Variants in FKBP5 observed in about 807,000 individuals in gnomAD.
FKBP5 encodes the protein FKBP prolyl isomerase 5, also known as peptidyl-prolyl cis-trans isomerase FKBP5.
FKBP5 carries 23 observed loss-of-function variants against 50.5 expected under a neutral mutation model. The ratio of observed to expected loss-of-function variants is 0.46; its 90% CI spans 0.33 to 0.65. The LOEUF is 0.65. Ranked by LOEUF, FKBP5 falls within the 30% of genes least tolerant of loss-of-function variation. The probability of loss-of-function intolerance (pLI) is 0.02; values close to 1 mark genes in which losing one functional copy is unlikely to be tolerated. For missense variants in FKBP5, 411 were observed against 553.1 expected (o/e 0.74, Z 2.58); for synonymous variants, 176 against 190.6 (o/e 0.92, Z 0.63).
At chr6:35,581,622 C>A (rs1762435061) in intron 8 of FKBP5, 1 of 984,172 alleles carries the variant, frequency 1.0e-6, no homozygotes, top group East Asian at 1.1e-4. Context: ...CAAAACAAAA[C>A]CCCTCCAGGG....
intron 1 of FKBP5, among the ~76,000 whole-genome samples, chr6:35,666,397 A>AAAAAAAAAAAAAG (rs1765222431): frequency 8.5e-6 from 1 of 117,708 alleles, no homozygotes; most frequent in Non-Finnish European, 1.7e-5. Flanking sequence ...TTATAGTTAA[A>AAAAAAAAAAAAAG]AAAAAAAAAA....
At chr6:35,633,194 C>T (rs753882470) in intron 3 of FKBP5, among the ~76,000 whole-genome samples, 13 of 152,054 alleles carry the variant, frequency 8.5e-5, no homozygotes, top group Non-Finnish European at 1.6e-4. Context: ...ATACTACTGT[C>T]CATTTATATT....
intron 2 of FKBP5, among the ~76,000 whole-genome samples, chr6:35,701,568 TCTCA>T (rs1766190427): frequency 6.6e-6 from 1 of 151,118 alleles, no homozygotes; most frequent in South Asian, 2.1e-4. Flanking sequence ...TGAGACAGGG[TCTCA>T]CTCTGTTGCA....
chr6:35,713,102 A>G lies in FKBP5; in HGVS notation c.-20+7226T>C, dbSNP rs535030709. 8.5e-4 allele frequency among the ~76,000 whole-genome samples: 123 copies of G among 144,612 alleles called. No individual in the cohort carries two copies. In the East Asian group the frequency reaches 0.016, roughly 19 times the overall value. The allele number at this position is 144,612 out of a possible 152,430, so 94.9% of individuals were successfully genotyped here. ...TAAAAAAAAAAAAAAAAAAAAAAAA[A>G]AGAAGAAGAAGAAAGAAAGAAAAAA... On this transcript the variant is annotated intron_variant, in intron 2 of 11. Coordinates refer to the FKBP5 transcript ENST00000536438.
chr6:35,700,615 A>G (rs1253615711), intron 2 of FKBP5, among the ~76,000 whole-genome samples: 1 of 152,188 alleles, frequency 6.6e-6, no homozygotes, highest in African/African-American at 2.4e-5. Flanking sequence ...CTTGGGCAAA[A>G]GCAGGTCCGA....
chr6:35,653,116 C>T lies in FKBP5; in HGVS notation c.-19-10273G>A, dbSNP rs1039668118. Among the ~76,000 whole-genome samples the T allele has an allele frequency of 2.6e-5, 4 of 152,238 alleles. No individual in the cohort carries two copies. In the South Asian group the frequency reaches 6.2e-4, roughly 24 times the overall value. On this transcript the variant is annotated intron_variant, in intron 1 of 10. Transcript: ENST00000357266. ...TGGCTCAAGCCTGCAATCCCCACAC[C>T]GAGGCGGGAGTATTGCTTGAAACCA...
At chr6:35,709,918 A>G (rs1282092983) in intron 2 of FKBP5, among the ~76,000 whole-genome samples, 5 of 151,518 alleles carry the variant, frequency 3.3e-5, no homozygotes, top group Non-Finnish European at 7.4e-5. Flanking sequence ...CATGGAGCTG[A>G]TGTTCTCACG....
rs550694743 is a variant in FKBP5 at position 35,581,284 on chromosome 6, T to A, written c.841-1063A>T. On this transcript the variant is annotated intron_variant, in intron 8 of 10. Transcript: ENST00000357266. The stretch of plus-strand genomic sequence containing the variant: ...AATATAAACATATATAATATATATA[T>A]AATATATATATATATACATGCTCAT... 732 of 409,756 alleles carry A rather than the reference T, an allele frequency of 1.8e-3. 2 individuals carry two copies. Among genetic ancestry groups the A allele is most frequent in the African/African-American group, 6.9e-3 (313 of 45,384 alleles). The allele number at this position is 409,756 out of a possible 1,614,324, so 25.4% of individuals were successfully genotyped here.
intron 1 of FKBP5, among the ~76,000 whole-genome samples, chr6:35,677,097 G>T (rs1312063309): frequency 1.3e-5 from 2 of 152,160 alleles, no homozygotes; most frequent in South Asian, 2.1e-4. Flanking sequence ...GTTTTAAGAC[G>T]TGGTCTCCCT....
chr6:35,701,330 G>A (rs1581894572), intron 2 of FKBP5, among the ~76,000 whole-genome samples: 1 of 145,524 alleles, frequency 6.9e-6, no homozygotes, highest in Non-Finnish European at 1.5e-5. Context: ...TGCAAGCTCC[G>A]CCTCCCGGGT....
intron 1 of FKBP5, among the ~76,000 whole-genome samples, chr6:35,647,504 G>A (rs1215060492): frequency 6.6e-6 from 1 of 152,254 alleles, no homozygotes; most frequent in East Asian, 1.9e-4. Flanking sequence ...CTACACAGCA[G>A]ATGAGGTCAG....
At chr6:35,586,568 A>G in intron 8 of FKBP5, 1 of 986,480 alleles carries the variant, frequency 1.0e-6, no homozygotes, top group Non-Finnish European at 1.2e-6. Context: ...GAAGTTTGAG[A>G]CCAGCCTGGG....
At chr6:35,701,283 G>A (rs1212482994) in intron 2 of FKBP5, among the ~76,000 whole-genome samples, 6 of 144,472 alleles carry the variant, frequency 4.2e-5, no homozygotes, top group Admixed American at 7.0e-5. Context: ...TCGCTCTGTC[G>A]CCCAGGCTGG....
intron 3 of FKBP5, among the ~76,000 whole-genome samples, chr6:35,624,830 C>G (rs1225410392): frequency 6.6e-6 from 1 of 152,158 alleles, no homozygotes; most frequent in East Asian, 1.9e-4. Context: ...TGCATCCTCC[C>G]TCACAAGTAA....
At chr6:35,711,317 GA>G (rs56377841) in intron 2 of FKBP5, among the ~76,000 whole-genome samples, 93,065 of 133,000 alleles carry the variant, frequency 0.7, 31,239 homozygotes, top group African/African-American at 0.76. Context: ...TGTCTCAAAA[GA>G]AAAAAAAAAA....
intron 1 of FKBP5, among the ~76,000 whole-genome samples, chr6:35,653,807 T>C (rs1764877496): frequency 6.6e-6 from 1 of 152,146 alleles, no homozygotes; most frequent in African/African-American, 2.4e-5. Context: ...AAAATAAGCA[T>C]CAGTTTCATT....
intron 3 of FKBP5, among the ~76,000 whole-genome samples, chr6:35,635,026 C>CAAAAAAAA (rs35794477): frequency 2.0e-4 from 15 of 75,118 alleles, no homozygotes; most frequent in East Asian, 6.8e-4. Flanking sequence ...CCTGTCTCTA[C>CAAAAAAAA]AAAAAAAAAA....
At position 35,620,146 on chromosome 6, in the gene FKBP5, T is replaced by C. The variant is rs145385432; in HGVS notation, c.379A>G (p.Thr127Ala). The C allele has an allele frequency of 6.0e-5, 97 of 1,613,792 alleles. No individual in the cohort carries two copies. The highest frequency in any genetic ancestry group is 7.6e-5 in the Non-Finnish European group (90 of 1,179,976). Residue 127 changes from threonine to alanine, a missense_variant, in exon 4 of 11, where the codon ACT becomes GCT. Thr to Ala is a moderately conservative substitution (Grantham distance 58). This residue lies in a region of FKBP5 where 267 missense variants were observed against 405.9 expected (regional missense o/e 0.66). Transcript: ENST00000357266. ...GSLPKIPSNA[T>A]LFFEIELLDF... Reference sequence around the variant, plus strand: ...CACATACTTGCCTCAAAAAAGAGAGTTGCATTCGAGGGAATTTTAGGGAGA... The same window carrying C: ...CACATACTTGCCTCAAAAAAGAGAGCTGCATTCGAGGGAATTTTAGGGAGA...
rs1267387385 is a variant in FKBP5 at position 35,580,198 on chromosome 6, C to T, written c.864G>A (p.Val288=). 6.2e-7 allele frequency: 1 copy of T among 1,613,428 alleles called. No individual in the cohort carries two copies. Among genetic ancestry groups the T allele is most frequent in the Non-Finnish European group, 8.5e-7 (1 of 1,179,520 alleles). Residue 288 remains valine, a synonymous_variant, in exon 9 of 11, where the codon GTG becomes GTA. Coordinates refer to ENST00000357266, the MANE Select transcript of FKBP5 (RefSeq NM_004117.4). The part of the protein sequence containing the change: ...YFKGGKYMQA[V]IQYGKIVSWL... ...AGGACACTATCTTCCCATACTGAAT[C>T]ACCGCCTGCATGTATTTGCCTCCCT...
Sources: allele counts gnomAD v4.1 joint callset (sites outside exome capture counted in the v4.1 genomes callset), GRCh38; gene constraint gnomAD v4.1.1; regional missense constraint gnomAD v4.1.1; transcripts MANE v1.5; gene names NCBI Gene and HGNC (gene_info 2026-07-23, HGNC 2026-07-21).